Variants in HSD17B12 observed in about 807,000 individuals in gnomAD.
HSD17B12 encodes very-long-chain 3-oxoacyl-CoA reductase.
Under a neutral mutation model 39.3 loss-of-function variants are expected in HSD17B12, and 32 were observed. The ratio of observed to expected loss-of-function variants is 0.81; its 90% CI spans 0.61 to 1.09. The LOEUF (loss-of-function observed/expected upper bound fraction) is 1.09. Ranked by LOEUF, HSD17B12 falls within the 50% of genes least tolerant of loss-of-function variation. The pLI is 0.00. For missense variants in HSD17B12, 342 were observed against 382.9 expected (o/e 0.89, Z 0.89); for synonymous variants, 150 against 146.7 (o/e 1.02, Z -0.16).
the HSD17B12 span, among the ~76,000 whole-genome samples, chr11:43,591,423 A>C: frequency 6.6e-6 from 1 of 152,188 alleles, no homozygotes; most frequent in Non-Finnish European, 1.5e-5. Context: ...TTACACAAGA[A>C]ATCTCTGCAT....
chr11:43,846,443 C>G (rs1313174213), intron 9 of HSD17B12, among the ~76,000 whole-genome samples: 1 of 152,202 alleles, frequency 6.6e-6, no homozygotes, highest in Non-Finnish European at 1.5e-5. Flanking sequence ...GCAGGCAGAT[C>G]ACTTGAGGTC....
At chr11:43,676,081 C>T (rs1470389157), upstream of HSD17B12, among the ~76,000 whole-genome samples, 1 of 151,966 alleles carries the variant, frequency 6.6e-6, no homozygotes, top group Non-Finnish European at 1.5e-5. Context: ...CATTGCACTC[C>T]AGACTGGGCG....
the HSD17B12 span, among the ~76,000 whole-genome samples, chr11:43,638,133 GC>G: frequency 1.3e-5 from 2 of 152,174 alleles, no homozygotes; most frequent in Non-Finnish European, 2.9e-5. Flanking sequence ...TGCTTATATG[GC>G]GATATTCCAG....
intron 8 of HSD17B12, 77 bp downstream of exon 8, chr11:43,838,475 A>C: frequency 9.1e-7 from 1 of 1,104,810 alleles, no homozygotes; most frequent in Non-Finnish European, 1.4e-6. Flanking sequence ...ACGTAGATTT[A>C]ACTTTCCTGA....
chr11:43,656,202 T>C, the HSD17B12 span, among the ~76,000 whole-genome samples: 3 of 152,220 alleles, frequency 2.0e-5, no homozygotes, highest in African/African-American at 7.2e-5. Flanking sequence ...TAGAGGTGTT[T>C]ATAGTATTCT....
At chr11:43,670,873 A>G in the HSD17B12 span, among the ~76,000 whole-genome samples, 48,541 of 151,742 alleles carry the variant, frequency 0.32, 7,894 homozygotes, top group African/African-American at 0.36. Context: ...TGACAGAGCA[A>G]GACTCTGTCT....
intron 1 of HSD17B12, among the ~76,000 whole-genome samples, chr11:43,716,826 G>A (rs573690236): frequency 6.6e-6 from 1 of 150,902 alleles, no homozygotes; most frequent in African/African-American, 2.4e-5. Flanking sequence ...TGAGACCTGA[G>A]GGAGTCAGGA....
At chr11:43,659,176 G>A in the HSD17B12 span, among the ~76,000 whole-genome samples, 383 of 152,354 alleles carry the variant, frequency 2.5e-3, 1 homozygote, top group African/African-American at 8.4e-3. Context: ...CTCCATGGGC[G>A]TAGGACCCTC....
the HSD17B12 span, chr11:43,569,741 T>G: frequency 6.6e-6 from 1 of 152,670 alleles, no homozygotes; most frequent in African/African-American, 2.4e-5. Context: ...GCTGACACCA[T>G]GTCCCTTTCC....
Position 43,798,371 on chromosome 11 carries a change from A to G in HSD17B12, c.335A>G (p.Glu112Gly). The G allele has an allele frequency of 6.2e-7, 1 of 1,612,726 alleles. No homozygotes were observed. The highest frequency in any genetic ancestry group is 8.5e-7 in the Non-Finnish European group (1 of 1,179,164). Residue 112 changes from glutamate to glycine, a missense_variant, in exon 4 of 11, where the codon GAA becomes GGA. Transcript: ENST00000278353. ...TRTIAVDFAS[E>G]DIYDKIKTGL... ...ACCATTGCTGTTGACTTTGCATCAG[A>G]AGATATTTATGATAAAATTAAAACA...
the HSD17B12 span, among the ~76,000 whole-genome samples, chr11:43,668,695 T>A: frequency 6.6e-6 from 1 of 152,046 alleles, no homozygotes; most frequent in Non-Finnish European, 1.5e-5. Flanking sequence ...TAAAGGTTTT[T>A]CAATAATATT....
chr11:43,590,506 A>AGTTTTTTTTTTTTTTTTTTTTTTTTTTTT, the HSD17B12 span, among the ~76,000 whole-genome samples: 1 of 51,610 alleles, frequency 1.9e-5, no homozygotes, highest in Non-Finnish European at 3.6e-5. Flanking sequence ...GGAGTGAGTG[A>AGTTTTTTTTTTTTTTTTTTTTTTTTTTTT]TTTTTTTTTT....
chr11:43,728,633 G>A (rs1383169812), intron 1 of HSD17B12, among the ~76,000 whole-genome samples: 6 of 151,932 alleles, frequency 3.9e-5, no homozygotes, highest in African/African-American at 9.7e-5. Flanking sequence ...TCTGGGAATC[G>A]GATTATTTAT....
the HSD17B12 span, among the ~76,000 whole-genome samples, chr11:43,667,633 G>C: frequency 6.6e-6 from 1 of 152,048 alleles, no homozygotes; most frequent in African/African-American, 2.4e-5. Context: ...TTGGGGATGT[G>C]ACCCAAATCT....
At chr11:43,799,385 TAA>T (rs1950944543) in intron 4 of HSD17B12, among the ~76,000 whole-genome samples, 1 of 152,164 alleles carries the variant, frequency 6.6e-6, no homozygotes, top group South Asian at 2.1e-4. Flanking sequence ...TTTTTTTTTC[TAA>T]GTCTTATACC....
chr11:43,791,395 G>C (rs1950866235), intron 3 of HSD17B12, among the ~76,000 whole-genome samples: 2 of 152,030 alleles, frequency 1.3e-5, no homozygotes, highest in African/African-American at 4.8e-5. Context: ...AGCTGGGTGT[G>C]GTGGTGGGTG....
At chr11:43,842,236 G>C (rs1951433568) in intron 9 of HSD17B12, among the ~76,000 whole-genome samples, 1 of 152,182 alleles carries the variant, frequency 6.6e-6, no homozygotes, top group Non-Finnish European at 1.5e-5. Flanking sequence ...TAAATGTCAT[G>C]TAGATGTAGC....
chr11:43,838,277 G>A (rs1951390313), intron 7 of HSD17B12, 40 bp from the exon 8 acceptor site: 2 of 1,315,848 alleles, frequency 1.5e-6, no homozygotes, highest in Admixed American at 1.7e-5. Context: ...ACTGCATACT[G>A]TGGCTTCACT....
chr11:43,854,167 A>G (rs1951559746), intron 9 of HSD17B12: 1 of 152,352 alleles, frequency 6.6e-6, no homozygotes, highest in South Asian at 2.1e-4. Flanking sequence ...TTATCAATAA[A>G]ATTGTTTATA....
Sources: gnomAD v4.1 joint callset for allele counts (sites outside exome capture counted in the v4.1 genomes callset) on GRCh38, gnomAD v4.1.1 for gene constraint, MANE v1.5 for transcripts, NCBI Gene and HGNC (gene_info 2026-07-23, HGNC 2026-07-21) for gene names.